CAMK4: variants seen among roughly 807,000 people sequenced by gnomAD.
CAMK4 encodes calcium/calmodulin-dependent protein kinase type IV.
A neutral mutation model predicts 44.9 loss-of-function variants in CAMK4; 22 were observed. The ratio of observed to expected loss-of-function variants is 0.49; its 90% CI spans 0.35 to 0.70. The LOEUF is 0.70. Among genes scored for constraint, CAMK4 ranks in the 30% least tolerant of loss-of-function variants. The probability of loss-of-function intolerance (pLI) is 0.01; values close to 1 mark genes in which losing one functional copy is unlikely to be tolerated. For synonymous variants in CAMK4, 218 were observed against 215.4 expected, an observed-to-expected ratio of 1.01 and a Z score of -0.11; for missense variants, 498 against 586.8, an observed-to-expected ratio of 0.85 and a Z score of 1.56.
chr5:111,350,938 G>A (rs1318534678), intron 2 of CAMK4, among the ~76,000 whole-genome samples: 1 of 152,072 alleles, frequency 6.6e-6, no homozygotes, highest in Non-Finnish European at 1.5e-5. Context: ...TTAAGTTACA[G>A]ACTACATAGG....
chr5:111,224,605 C>T lies in CAMK4; in HGVS notation c.122C>T (p.Ala41Val). Residue 41 changes from alanine to valine, a missense_variant, in exon 1 of 11, where the codon GCG becomes GTG. Ala to Val is a moderately conservative substitution (Grantham distance 64). Coordinates refer to ENST00000282356, the MANE Select transcript of CAMK4 (RefSeq NM_001744.6). The surrounding 1 kb of genome is among the most constrained non-coding windows in gnomAD (Gnocchi z 5.7). ...DYWIDGSNRD[A>V]LSDFFEVESE... is the part of the protein sequence containing the mutation. ...TGGATCGACGGCTCCAACAGGGATG[C>T]GCTGAGCGATTTCTTCGAGGTGGAG... is the stretch of plus-strand genomic sequence containing the variant. 1.9e-6 allele frequency: 3 copies of T among 1,611,714 alleles called. No homozygotes were observed. Among genetic ancestry groups the T allele is most frequent in the Non-Finnish European group, 2.5e-6 (3 of 1,179,522 alleles).
At chr5:111,319,601 A>T (rs531827016) in intron 1 of CAMK4, among the ~76,000 whole-genome samples, 1 of 152,240 alleles carries the variant, frequency 6.6e-6, no homozygotes, top group Non-Finnish European at 1.5e-5. Context: ...TGTATAATGA[A>T]AATTGCTAAT....
At chr5:111,366,803 GT>G (rs1287896099) in intron 2 of CAMK4, among the ~76,000 whole-genome samples, 5 of 151,956 alleles carry the variant, frequency 3.3e-5, no homozygotes, top group African/African-American at 1.2e-4. Flanking sequence ...AATCTTGAGT[GT>G]CATGGAGTCT....
At position 111,224,538 on chromosome 5, in the gene CAMK4, G is replaced by T. The variant is rs751606904; in HGVS notation, c.55G>T (p.Ala19Ser). Residue 19 changes from alanine (A) to serine (S), a missense_variant, in exon 1 of 11, where the codon GCC becomes TCC. Physicochemically the swap from Ala to Ser is moderately conservative, Grantham distance 99. Coordinates refer to ENST00000282356, the MANE Select transcript of CAMK4 (RefSeq NM_001744.6). The surrounding 1 kb of genome is among the most constrained non-coding windows in gnomAD (Gnocchi z 5.7). The part of the protein sequence containing the change: ...CSASSCSSVT[A>S]SAAPGTASLV... Reference sequence around the variant, plus strand: ...CGCCTCGTCCTGCTCTTCGGTCACCGCCAGTGCGGCCCCGGGGACCGCGAG... The same window carrying T: ...CGCCTCGTCCTGCTCTTCGGTCACCTCCAGTGCGGCCCCGGGGACCGCGAG... The T allele has an allele frequency of 4.3e-6, 7 of 1,611,236 alleles. No individual in the cohort carries two copies. The highest frequency in any genetic ancestry group is 5.9e-6 in the Non-Finnish European group (7 of 1,179,266).
At chr5:111,299,118 GA>G (rs1315322958) in intron 1 of CAMK4, among the ~76,000 whole-genome samples, 1 of 152,232 alleles carries the variant, frequency 6.6e-6, no homozygotes, top group Non-Finnish European at 1.5e-5. Context: ...CTCGGCCTAG[GA>G]GGTGGAGTGT....
intron 5 of CAMK4, among the ~76,000 whole-genome samples, chr5:111,427,940 C>T (rs1288662375): frequency 1.3e-5 from 2 of 152,234 alleles, no homozygotes; most frequent in African/African-American, 4.8e-5. Flanking sequence ...CAAGACCCAG[C>T]GCTGTGCTGG....
intron 1 of CAMK4, among the ~76,000 whole-genome samples, chr5:111,226,852 C>T (rs7711071): frequency 6.6e-6 from 1 of 152,202 alleles, no homozygotes. Context: ...CTACTGAATG[C>T]TATCACTTTC....
intron 7 of CAMK4, among the ~76,000 whole-genome samples, chr5:111,460,040 C>T (rs556334918): frequency 4.9e-4 from 75 of 151,862 alleles, no homozygotes; most frequent in African/African-American, 1.7e-3. Context: ...GAAAAGAGGT[C>T]AAAAGGAAGA....
chr5:111,417,771 G>A (rs1341337086), intron 5 of CAMK4, among the ~76,000 whole-genome samples: 1 of 152,136 alleles, frequency 6.6e-6, no homozygotes, highest in Non-Finnish European at 1.5e-5. Context: ...GCTTTTAAAA[G>A]CATGTGTGGT....
At chr5:111,239,148 C>T (rs771773348) in intron 1 of CAMK4, among the ~76,000 whole-genome samples, 6 of 152,152 alleles carry the variant, frequency 3.9e-5, no homozygotes, top group African/African-American at 1.2e-4. Context: ...ACAGCTCACA[C>T]GATCACTTTG....
intron 1 of CAMK4, among the ~76,000 whole-genome samples, chr5:111,312,080 T>C (rs761185502): frequency 1.3e-5 from 2 of 152,200 alleles, no homozygotes; most frequent in African/African-American, 4.8e-5. Context: ...TTTCTAGTTA[T>C]GAATTTTCAT....
intron 1 of CAMK4, among the ~76,000 whole-genome samples, chr5:111,271,769 A>C (rs1274939400): frequency 6.6e-6 from 1 of 152,120 alleles, no homozygotes; most frequent in Non-Finnish European, 1.5e-5. Context: ...ACCTTGTCTT[A>C]ATCACCATTC....
intron 1 of CAMK4, among the ~76,000 whole-genome samples, chr5:111,294,861 T>C (rs1393840239): frequency 6.6e-6 from 1 of 152,150 alleles, no homozygotes; most frequent in Non-Finnish European, 1.5e-5. Flanking sequence ...TGAATGATTA[T>C]TAAATTGCTG....
chr5:111,440,526 C>G (rs1450976241), intron 5 of CAMK4, among the ~76,000 whole-genome samples: 2 of 151,944 alleles, frequency 1.3e-5, no homozygotes, highest in African/African-American at 4.8e-5. Context: ...TCACTGAGAC[C>G]TTTTTCAAGA....
intron 1 of CAMK4, among the ~76,000 whole-genome samples, chr5:111,320,388 A>G (rs1748610462): frequency 6.6e-6 from 1 of 152,202 alleles, no homozygotes; most frequent in East Asian, 1.9e-4. Context: ...CCTATTTAAG[A>G]AAGCTATGGA....
rs1375876342 is a variant in CAMK4 at position 111,316,059 on chromosome 5, A to AAT, written c.162-27965_162-27964insAT. ...AAGATTGCATATTCAGGGAACTCAA[A>AAT]TTATTTCATGACCCTAAGCAAACAT... is the stretch of plus-strand genomic sequence containing the variant. On this transcript the variant is annotated intron_variant, in intron 1 of 10. Coordinates refer to ENST00000282356, the MANE Select transcript of CAMK4 (RefSeq NM_001744.6). Among the ~76,000 whole-genome samples the AAT allele has an allele frequency of 5.9e-5, 9 of 152,158 alleles. No homozygotes were observed. In the South Asian group the frequency reaches 1.9e-3, roughly 31 times the overall value.
intron 5 of CAMK4, among the ~76,000 whole-genome samples, chr5:111,430,490 G>A (rs1283365640): frequency 6.6e-6 from 1 of 152,116 alleles, no homozygotes. Flanking sequence ...AAGATATAAA[G>A]CGTATCCAGT....
intron 6 of CAMK4, among the ~76,000 whole-genome samples, chr5:111,447,270 A>G (rs777927536): frequency 2.0e-5 from 3 of 152,226 alleles, no homozygotes; most frequent in Admixed American, 6.5e-5. Context: ...AATGCACTCC[A>G]TAGAACACTG....
chr5:111,380,280 G>T (rs393664), intron 4 of CAMK4, among the ~76,000 whole-genome samples: 133,375 of 151,714 alleles, frequency 0.88, 58,834 homozygotes, highest in East Asian at 1. Context: ...TTTGAATTTT[G>T]TAAACATTGT....
Sources: gnomAD v4.1 joint callset for allele counts (sites outside exome capture counted in the v4.1 genomes callset) on GRCh38, gnomAD v4.1.1 for gene constraint, Gnocchi (gnomAD v3.1) non-coding constraint, MANE v1.5 for transcripts, NCBI Gene and HGNC (gene_info 2026-07-23, HGNC 2026-07-21) for gene names.